TRIM77: variants seen among roughly 807,000 people sequenced by gnomAD.
TRIM77 encodes tripartite motif containing 77.
Under a neutral mutation model 31.8 loss-of-function variants are expected in TRIM77, and 23 were observed. That is an observed-to-expected ratio of 0.72 (90% CI 0.52 to 1.02). TRIM77 has a LOEUF of 1.02. TRIM77 is among the 50% of genes least tolerant of loss of function. The pLI, the probability that TRIM77 is intolerant of heterozygous loss-of-function variation, is 0.00. For synonymous variants in TRIM77, 159 were observed against 183.1 expected, an observed-to-expected ratio of 0.87 and a Z score of 1.06; for missense variants, 446 against 539.2, an observed-to-expected ratio of 0.83 and a Z score of 1.71.
At chr11:89,713,359 G>A (rs1054823034) in intron 2 of TRIM77, among the ~76,000 whole-genome samples, 1 of 149,300 alleles carries the variant, frequency 6.7e-6, no homozygotes, top group African/African-American at 2.5e-5. Flanking sequence ...AAGAGGCTGA[G>A]GAGGAAGGAT....
At chr11:89,711,527 C>G in intron 2 of TRIM77, 22 bp downstream of exon 2, 1 of 1,344,352 alleles carries the variant, frequency 7.4e-7, no homozygotes, top group Non-Finnish European at 1.0e-6. Context: ...GCTCATTTCT[C>G]TCAGAACCAG....
chr11:89,711,911 GTTGGAAGAT>G (rs1201366188), intron 2 of TRIM77, among the ~76,000 whole-genome samples: 2 of 152,274 alleles, frequency 1.3e-5, no homozygotes, highest in East Asian at 3.9e-4. Flanking sequence ...CGATGATAAT[GTTGGAAGAT>G]TTTAGGAATA....
chr11:89,711,402 T>G lies in TRIM77; in HGVS notation c.412-8T>G. 18 of 1,388,380 alleles carry G rather than the reference T, an allele frequency of 1.3e-5. No homozygotes were observed. Among genetic ancestry groups the G allele is most frequent in the Non-Finnish European group, 1.8e-5 (18 of 1,024,608 alleles). The allele number at this position is 1,388,380 out of a possible 1,614,324, so 86.0% of individuals were successfully genotyped here. A position where few individuals can be genotyped will look rare whatever the true frequency, so the allele number is the denominator to read the frequency against. On this transcript the variant is annotated splice_region_variant and splice_polypyrimidine_tract_variant and intron_variant, in intron 1 of 5. Coordinates refer to ENST00000398290, the MANE Select transcript of TRIM77 (RefSeq NM_001146162.1). ...TCTAGTGCTCAGATTTATAGTTTTG[T>G]TTTTCAGAAGAAACTCCTGATTCAA...
intron 2 of TRIM77, among the ~76,000 whole-genome samples, chr11:89,713,454 TCAATAATAATAA>T (rs1481037994): frequency 5.7e-5 from 4 of 70,728 alleles, no homozygotes; most frequent in Non-Finnish European, 1.1e-4. Context: ...AGACCTTGTC[TCAATAATAATAA>T]TAATAATAAT....
chr11:89,710,447 A>T lies in TRIM77; in HGVS notation c.149A>T (p.Asn50Ile), dbSNP rs1949114062. ...TTGTGGGAAGATACACTAACTCCTA[A>T]TTGCTGCCCTGTGTGCAGGGAAATA... ...CLLWEDTLTP[N>I]CCPVCREISQ... is the part of the protein sequence containing the mutation. Residue 50 changes from asparagine to isoleucine, a missense_variant, in exon 1 of 6, where the codon AAT (asparagine) becomes ATT (isoleucine). Around this residue, in one of 3 missense-constraint regions of TRIM77, gnomAD observed 72 missense variants for 64.7 expected, o/e 1.11. Transcript: ENST00000398290. 6.4e-7 allele frequency: 1 copy of T among 1,551,618 alleles called. No individual in the cohort carries two copies. The highest frequency in any genetic ancestry group is 2.0e-5 in the Admixed American group (1 of 50,992).
chr11:89,710,482 A>G lies in TRIM77; in HGVS notation c.184A>G (p.Met62Val). The change falls in exon 1 of 6, where the codon ATG becomes GTG. Residue 62 changes from methionine (M) to valine (V), a missense_variant. Around this residue, in one of 3 missense-constraint regions of TRIM77, gnomAD observed 8 missense variants for 26.5 expected, o/e 0.30. Coordinates refer to ENST00000398290, the MANE Select transcript of TRIM77 (RefSeq NM_001146162.1). The part of the protein sequence containing the change: ...CPVCREISQQ[M>V]YFKRIIFAEK... The stretch of plus-strand genomic sequence containing the variant: ...TGTGTGCAGGGAAATATCACAGCAA[A>G]TGTACTTCAAACGCATTATTTTTGC... The G allele has an allele frequency of 1.9e-6, 3 of 1,551,574 alleles. No individual in the cohort carries two copies. The highest frequency in any genetic ancestry group is 1.7e-4 in the Middle Eastern group (1 of 5,990).
Position 89,717,525 on chromosome 11 carries a change from C to G in TRIM77, c.1006C>G (p.Leu336Val), listed in dbSNP as rs764927952. The change falls in exon 6 of 6, where the codon CTC becomes GTC. Residue 336 changes from leucine (L) to valine (V), a missense_variant. Transcript: ENST00000398290. ...QYTSSWGAQI[L>V]SSGKHYWEVD... ...TACTTCTTCATGGGGAGCTCAGATC[C>G]TCAGCTCTGGCAAACATTACTGGGA... The G allele has an allele frequency of 2.4e-4, 372 of 1,551,446 alleles. No individual in the cohort carries two copies. Among genetic ancestry groups the G allele is most frequent in the Admixed American group, 1.7e-3 (87 of 50,968 alleles).
In TRIM77 at chr11:89,714,097, A is replaced by G; in HGVS notation, c.508-95A>G. On this transcript the variant is annotated intron_variant, in intron 2 of 5. Coordinates refer to ENST00000398290, the MANE Select transcript of TRIM77 (RefSeq NM_001146162.1). Reference sequence around the variant, plus strand: ...GGAAAAGCATTAAACTATATTTAGTAGAATAGCACAAAACATGAAACAAAG... The same window carrying G: ...GGAAAAGCATTAAACTATATTTAGTGGAATAGCACAAAACATGAAACAAAG... The G allele has an allele frequency of 1.0e-5, 8 of 779,558 alleles. No individual in the cohort carries two copies. The South Asian group carries it at 1.3e-4, about 13-fold the overall frequency. 48.3% of individuals were successfully genotyped at this position (779,558 alleles called of 1,614,324 possible).
In TRIM77 at chr11:89,715,221, A is replaced by G. The variant is rs575209175; in HGVS notation, c.761+41A>G. 1.9e-6 allele frequency: 3 copies of G among 1,538,990 alleles called. No individual in the cohort carries two copies. In the African/African-American group the frequency reaches 4.1e-5, roughly 21 times the overall value. On this transcript the variant is annotated intron_variant, in intron 4 of 5. Coordinates refer to ENST00000398290, the MANE Select transcript of TRIM77 (RefSeq NM_001146162.1). ...TATCCAAGTCCTGGTAATTGTGACAATAATCAGGCTGTTTCTGCTGGGATC... is the reference window on the plus strand; with the variant it reads ...TATCCAAGTCCTGGTAATTGTGACAGTAATCAGGCTGTTTCTGCTGGGATC...
intron 5 of TRIM77, among the ~76,000 whole-genome samples, chr11:89,716,945 G>C (rs1949165187): frequency 6.6e-6 from 1 of 151,964 alleles, no homozygotes. Context: ...CAAATTTTTA[G>C]TAGTCTAGTA....
Position 89,710,528 on chromosome 11 carries a change from C to T in TRIM77, c.230C>T (p.Thr77Ile). The change falls in exon 1 of 6, where the codon ACA becomes ATA. Residue 77 changes from threonine (T) to isoleucine (I), a missense_variant. This residue lies in a region of TRIM77 where 366 missense variants were observed against 447.9 expected (regional missense o/e 0.82). Transcript: ENST00000398290. ...TTTGCTGAGAAACAAGTTATTCCTA[C>T]AAGAGAATCAGTCCCCTGCCAGTTA... ...IIFAEKQVIPTRESVPCQLSS... is the reference protein window; with the variant it reads ...IIFAEKQVIPIRESVPCQLSS... 2 of 1,551,672 alleles carry T rather than the reference C, an allele frequency of 1.3e-6. No homozygotes were observed. Among genetic ancestry groups the T allele is most frequent in the Non-Finnish European group, 1.7e-6 (2 of 1,146,964 alleles).
intron 5 of TRIM77, among the ~76,000 whole-genome samples, 198 bp from the exon 6 acceptor site, chr11:89,717,181 T>C (rs1248308523): frequency 1.3e-5 from 2 of 152,148 alleles, no homozygotes; most frequent in African/African-American, 4.8e-5. Flanking sequence ...GTTTTGAAAT[T>C]TTTTGACTGA....
chr11:89,715,115 C>T lies in TRIM77; in HGVS notation c.739-43C>T, dbSNP rs749456390. The T allele has an allele frequency of 5.8e-6, 9 of 1,546,534 alleles. No homozygotes were observed. In the East Asian group the frequency reaches 1.5e-4, roughly 25 times the overall value. On this transcript the variant is annotated intron_variant, in intron 3 of 5. Transcript: ENST00000398290. ...GCATGTCTAGGATATATTGAGAGAACCATGTTGTGCTGCAAACTAAGCAAT... is the reference window on the plus strand; with the variant it reads ...GCATGTCTAGGATATATTGAGAGAATCATGTTGTGCTGCAAACTAAGCAAT...
Position 89,711,500 on chromosome 11 carries a change from T to C in TRIM77, c.502T>C (p.Trp168Arg). The C allele has an allele frequency of 1.3e-6, 2 of 1,508,796 alleles. No individual in the cohort carries two copies. Among genetic ancestry groups the C allele is most frequent in the Non-Finnish European group, 1.8e-6 (2 of 1,125,214 alleles). 93.5% of individuals were successfully genotyped at this position (1,508,796 alleles called of 1,614,324 possible). Residue 168 changes from tryptophan to arginine, a missense_variant, in exon 2 of 6, where the codon TGG becomes CGG. By Grantham distance (101) the Trp-to-Arg change is moderately radical. Transcript: ENST00000398290. ...CAGAGAGACCAACATAATCGGAACA[T>C]GGGAAGTAAGCAGTAAGCTCATTTC... Reference protein sequence around the residue: ...LNRETNIIGTWEVFINLRSMM... With the variant: ...LNRETNIIGTREVFINLRSMM...
chr11:89,714,281 G>A lies in TRIM77; in HGVS notation c.597G>A (p.Glu199=), dbSNP rs1352820623. 7 of 1,551,616 alleles carry A rather than the reference G, an allele frequency of 4.5e-6. No homozygotes were observed. Among genetic ancestry groups the A allele is most frequent in the African/African-American group, 1.4e-5 (1 of 73,012 alleles). ...GTGAAGAAGAGCAAAAGCACGTAGAGAGCCTGGCAAGAGAAGGCAGGATAA... is the reference window on the plus strand; with the variant it reads ...GTGAAGAAGAGCAAAAGCACGTAGAAAGCCTGGCAAGAGAAGGCAGGATAA... ...YLREEEQKHV[E]SLAREGRIIF... is the part of the protein sequence containing the mutation. The change falls in exon 3 of 6, where the codon GAG becomes GAA. Residue 199 remains glutamate (E), a synonymous_variant. Coordinates refer to ENST00000398290, the MANE Select transcript of TRIM77 (RefSeq NM_001146162.1).
chr11:89,714,209 G>A lies in TRIM77; in HGVS notation c.525G>A (p.Arg175=), dbSNP rs764338203. Reference sequence around the variant, plus strand: ...CACTACAGGTTTTTATAAATTTGCGGAGCATGATGATCAGTGCTGAATATC... The same window carrying A: ...CACTACAGGTTTTTATAAATTTGCGAAGCATGATGATCAGTGCTGAATATC... ...IGTWEVFINL[R]SMMISAEYPK... Residue 175 remains arginine, a synonymous_variant, in exon 3 of 6, where the codon CGG becomes CGA. Coordinates refer to ENST00000398290, the MANE Select transcript of TRIM77 (RefSeq NM_001146162.1). The A allele has an allele frequency of 3.2e-6, 5 of 1,548,664 alleles. No individual in the cohort carries two copies. Among genetic ancestry groups the A allele is most frequent in the South Asian group, 1.2e-5 (1 of 83,348 alleles).
At chr11:89,715,422 C>T (rs1427098125) in intron 4 of TRIM77, among the ~76,000 whole-genome samples, 2 of 152,148 alleles carry the variant, frequency 1.3e-5, no homozygotes, top group Non-Finnish European at 2.9e-5. Flanking sequence ...CTCTAATTTT[C>T]TACATCCTAA....
chr11:89,713,811 A>G (rs1010337883), intron 2 of TRIM77, among the ~76,000 whole-genome samples: 7 of 152,164 alleles, frequency 4.6e-5, no homozygotes, highest in African/African-American at 1.7e-4. Context: ...AGATGCAGCA[A>G]TGTCTTATGT....
chr11:89,714,402 G>A lies in TRIM77; in HGVS notation c.718G>A (p.Ala240Thr). Residue 240 changes from alanine to threonine, a missense_variant, in exon 3 of 6, where the codon GCA becomes ACA. Coordinates refer to ENST00000398290, the MANE Select transcript of TRIM77 (RefSeq NM_001146162.1). ...GAAACTGAAGGAAATGAGCTGTAAAGCAGATGTGAACCTGCCTCAGGTAAA... is the reference window on the plus strand; with the variant it reads ...GAAACTGAAGGAAATGAGCTGTAAAACAGATGTGAACCTGCCTCAGGTAAA... ...YEKLKEMSCK[A>T]DVNLPQDLGD... The A allele has an allele frequency of 4.5e-6, 7 of 1,551,354 alleles. No individual in the cohort carries two copies. Among genetic ancestry groups the A allele is most frequent in the East Asian group, 4.9e-5 (2 of 40,908 alleles).
Sources: allele counts gnomAD v4.1 joint callset (sites outside exome capture counted in the v4.1 genomes callset), GRCh38; gene constraint gnomAD v4.1.1; regional missense constraint gnomAD v4.1.1; transcripts MANE v1.5; gene names NCBI Gene and HGNC (gene_info 2026-07-23, HGNC 2026-07-21).